The following MMP16 variants were observed in gnomAD, a reference collection of about 807,000 sequenced individuals.
The protein encoded by MMP16 is matrix metallopeptidase 16.
Under a neutral mutation model 67.8 loss-of-function variants are expected in MMP16, and 12 were observed. That is an observed-to-expected ratio of 0.18 (90% CI 0.11 to 0.29). The LOEUF (loss-of-function observed/expected upper bound fraction) is 0.29. MMP16 is among the 10% of genes least tolerant of loss of function. The probability of loss-of-function intolerance (pLI) is 1.00; values close to 1 mark genes in which losing one functional copy is unlikely to be tolerated. For synonymous variants in MMP16, 249 were observed against 255.9 expected (o/e 0.97, Z 0.26); for missense variants, 475 against 765.7 (o/e 0.62, Z 4.48).
chr8:88,076,598 T>G (rs2076438910), intron 6 of MMP16, among the ~76,000 whole-genome samples: 2 of 152,142 alleles, frequency 1.3e-5, no homozygotes, highest in African/African-American at 4.8e-5. Context: ...AAAGATTGAT[T>G]CAGATAAATA....
At position 88,038,814 on chromosome 8, in the gene MMP16, T is replaced by C. The variant is rs1808090834; in HGVS notation, c.*2647A>G. The C allele has an allele frequency of 6.5e-6, 1 of 152,702 alleles. No individual in the cohort carries two copies. 9.5% of individuals were successfully genotyped at this position (152,702 alleles called of 1,614,324 possible). The stretch of plus-strand genomic sequence containing the variant: ...CAGGGCTGACTCTGGTTCTCATTTC[T>C]TGCTTTCTTGGCCCTTGCGTACATA... On this transcript the variant is annotated 3_prime_UTR_variant, in exon 10 of 10. Coordinates refer to ENST00000286614, the MANE Select transcript of MMP16 (RefSeq NM_005941.5). This position sits in a 1 kb window ranked among gnomAD's most constrained non-coding sequence, Gnocchi z 4.1.
chr8:88,045,233 T>C (rs1808183190), intron 9 of MMP16, among the ~76,000 whole-genome samples: 1 of 152,226 alleles, frequency 6.6e-6, no homozygotes, highest in African/African-American at 2.4e-5. Context: ...TCATTATACA[T>C]ATAGCAATGC....
intron 1 of MMP16, among the ~76,000 whole-genome samples, chr8:88,230,535 CTTTT>C (rs3060800): frequency 1.9e-4 from 27 of 142,490 alleles, no homozygotes; most frequent in Non-Finnish European, 3.4e-4. Context: ...GATCAATTTT[CTTTT>C]TTTTTTTTTT....
intron 1 of MMP16, among the ~76,000 whole-genome samples, chr8:88,273,025 CA>C (rs1192721218): frequency 3.1e-5 from 4 of 127,332 alleles, no homozygotes; most frequent in African/African-American, 8.7e-5. Flanking sequence ...AAAAGAAAAA[CA>C]AAAAAAAAGA....
At chr8:88,070,845 C>G (rs376741030) in intron 7 of MMP16, among the ~76,000 whole-genome samples, 1 of 151,918 alleles carries the variant, frequency 6.6e-6, no homozygotes, top group South Asian at 2.1e-4. Flanking sequence ...TATAATTTGT[C>G]AATTTTTTCC....
At chr8:88,044,959 T>G (rs1808179790) in intron 9 of MMP16, among the ~76,000 whole-genome samples, 1 of 152,242 alleles carries the variant, frequency 6.6e-6, no homozygotes, top group Admixed American at 6.5e-5. Flanking sequence ...GACTTTATCA[T>G]GACTTCCTTT....
In MMP16 at chr8:88,327,263, T is replaced by TCTCC. The variant is rs1448977057; in HGVS notation, c.-61_-58dup. 1.9e-5 allele frequency: 31 copies of TCTCC among 1,604,302 alleles called. No homozygotes were observed. The highest frequency in any genetic ancestry group is 4.4e-5 in the South Asian group (4 of 90,758). On this transcript the variant is annotated 5_prime_UTR_variant, in exon 1 of 10. Transcript: ENST00000286614. Reference sequence around the variant, plus strand: ...CCCCTTCGTTTTCTCCCTCTCTCCCTCTCCCTCCCTCCCTCGTTTCCTTTC... The same window carrying TCTCC: ...CCCCTTCGTTTTCTCCCTCTCTCCCTCTCCCTCCCTCCCTCCCTCGTTTCCTTTC...
At chr8:88,170,058 TA>T (rs1808775221) in intron 3 of MMP16, among the ~76,000 whole-genome samples, 1 of 152,102 alleles carries the variant, frequency 6.6e-6, no homozygotes, top group Non-Finnish European at 1.5e-5. Flanking sequence ...TTGGTACCAG[TA>T]GAGATTTTGA....
At chr8:88,085,422 A>C (rs985010395) in intron 6 of MMP16, among the ~76,000 whole-genome samples, 1 of 152,020 alleles carries the variant, frequency 6.6e-6, no homozygotes, top group African/African-American at 2.4e-5. Context: ...GACAGTCGTG[A>C]ATGTCTGCAA....
intron 1 of MMP16, among the ~76,000 whole-genome samples, chr8:88,304,719 A>G (rs1010139379): frequency 1.3e-5 from 2 of 152,244 alleles, no homozygotes; most frequent in Non-Finnish European, 2.9e-5. Context: ...CAAAGGATCA[A>G]TAAGATTCTT....
chr8:88,210,777 A>G (rs1809501018), intron 1 of MMP16, among the ~76,000 whole-genome samples: 1 of 152,096 alleles, frequency 6.6e-6, no homozygotes, highest in African/African-American at 2.4e-5. Flanking sequence ...TTCCATCCCC[A>G]TACCCAGAGA....
intron 3 of MMP16, among the ~76,000 whole-genome samples, chr8:88,170,318 A>G (rs1456206359): frequency 6.6e-6 from 1 of 152,154 alleles, no homozygotes; most frequent in Admixed American, 6.5e-5. Context: ...GCTATAAACT[A>G]TATTTTGAGG....
intron 1 of MMP16, among the ~76,000 whole-genome samples, chr8:88,229,132 G>GA (rs1468253786): frequency 5.9e-5 from 9 of 151,976 alleles, no homozygotes; most frequent in Non-Finnish European, 1.3e-4. Flanking sequence ...TACAATGATG[G>GA]AAAAATGCAA....
intron 1 of MMP16, among the ~76,000 whole-genome samples, chr8:88,268,682 C>G (rs1261582887): frequency 1.3e-5 from 2 of 152,122 alleles, no homozygotes; most frequent in Non-Finnish European, 2.9e-5. Context: ...TCTAGTCTTC[C>G]AAACATTTCA....
rs1239185519 is a variant in MMP16, at chr8:88,041,175, C to T, written c.*286G>A. 3 of 293,360 alleles carry T rather than the reference C, an allele frequency of 1.0e-5. No individual in the cohort carries two copies. The highest frequency in any genetic ancestry group is 1.9e-5 in the Non-Finnish European group (3 of 160,076). The allele number at this position is 293,360 out of a possible 1,614,324, so 18.2% of individuals were successfully genotyped here. ...CTTTTTCTCCTCTTCTTTAGTTAAT[C>T]CTGAAATTTTACTGGGCATTGAGCG... On this transcript the variant is annotated 3_prime_UTR_variant, in exon 10 of 10. Transcript: ENST00000286614. This position sits in a 1 kb window ranked among gnomAD's most constrained non-coding sequence, Gnocchi z 6.0.
intron 8 of MMP16, among the ~76,000 whole-genome samples, 156 bp from the exon 9 acceptor site, chr8:88,046,940 G>T (rs1432719574): frequency 6.6e-6 from 1 of 152,112 alleles, no homozygotes; most frequent in African/African-American, 2.4e-5. Context: ...ACTCCAACTG[G>T]CAAGCTCTTA....
At chr8:88,088,656 G>C (rs1419694048) in intron 6 of MMP16, among the ~76,000 whole-genome samples, 2 of 152,064 alleles carry the variant, frequency 1.3e-5, no homozygotes, top group East Asian at 3.9e-4. Flanking sequence ...ATATGCTCTT[G>C]AAAGCATTCC....
intron 1 of MMP16, among the ~76,000 whole-genome samples, chr8:88,202,310 T>C (rs912068770): frequency 2.0e-5 from 3 of 152,180 alleles, no homozygotes; most frequent in African/African-American, 7.2e-5. Flanking sequence ...GTGATGACCG[T>C]GATGATCATA....
At chr8:88,300,274 T>A (rs1355677543) in intron 1 of MMP16, among the ~76,000 whole-genome samples, 1 of 152,256 alleles carries the variant, frequency 6.6e-6, no homozygotes, top group African/African-American at 2.4e-5. Flanking sequence ...GCCTAAGTAG[T>A]ACACAGAAGC....
Sources: gnomAD v4.1 joint callset for allele counts (sites outside exome capture counted in the v4.1 genomes callset) on GRCh38, gnomAD v4.1.1 for gene constraint, Gnocchi (gnomAD v3.1) non-coding constraint, MANE v1.5 for transcripts, NCBI Gene and HGNC (gene_info 2026-07-23, HGNC 2026-07-21) for gene names.